The following NEK11 variants were observed in gnomAD, a reference collection of about 807,000 sequenced individuals.
NEK11 encodes NIMA related kinase 11, also known as serine/threonine-protein kinase Nek11.
Under a neutral mutation model 80.7 loss-of-function variants are expected in NEK11, and 72 were observed. The ratio of observed to expected loss-of-function variants is 0.89; its 90% CI spans 0.74 to 1.08. The LOEUF (loss-of-function observed/expected upper bound fraction) is 1.08, where lower values mean the gene tolerates loss of function less well. Among genes scored for constraint, NEK11 ranks in the 50% least tolerant of loss-of-function variants. The pLI is 0.00. For missense variants in NEK11, 764 were observed against 763.6 expected (o/e 1.00, Z -0.01); for synonymous variants, 251 against 260.7 (o/e 0.96, Z 0.36).
chr3:131,044,034 A>G (rs1216685836), intron 3 of NEK11, among the ~76,000 whole-genome samples: 1 of 152,148 alleles, frequency 6.6e-6, no homozygotes, highest in African/African-American at 2.4e-5. Context: ...AATGAAGGAG[A>G]AATGAAACCC....
At chr3:131,178,915 C>G (rs1190071415) in intron 14 of NEK11, among the ~76,000 whole-genome samples, 1 of 152,154 alleles carries the variant, frequency 6.6e-6, no homozygotes, top group Non-Finnish European at 1.5e-5. Context: ...ACTGATACGT[C>G]ATTATGCAGT....
At chr3:131,030,234 CA>C (rs11293793) in intron 3 of NEK11, among the ~76,000 whole-genome samples, 62,627 of 137,314 alleles carry the variant, frequency 0.46, 15,284 homozygotes, top group Middle Eastern at 0.67. Flanking sequence ...GCAAGACTGA[CA>C]AAAAAAAAAA....
intron 13 of NEK11, among the ~76,000 whole-genome samples, chr3:131,170,513 G>A (rs552271142): frequency 6.6e-6 from 1 of 152,240 alleles, no homozygotes; most frequent in South Asian, 2.1e-4. Context: ...GGTACCTTGG[G>A]CATCCCACTT....
intron 3 of NEK11, among the ~76,000 whole-genome samples, chr3:131,042,332 C>T (rs1416925031): frequency 6.6e-6 from 1 of 152,162 alleles, no homozygotes; most frequent in Non-Finnish European, 1.5e-5. Context: ...ATCCCATTCC[C>T]ATGGAACCCA....
At chr3:131,076,496 T>G (rs1237259490) in intron 3 of NEK11, among the ~76,000 whole-genome samples, 2 of 152,290 alleles carry the variant, frequency 1.3e-5, no homozygotes, top group East Asian at 3.9e-4. Flanking sequence ...AATTCCTGCC[T>G]TCCTAGAGGG....
chr3:131,176,022 T>G (rs964312124), intron 14 of NEK11, among the ~76,000 whole-genome samples: 11 of 152,226 alleles, frequency 7.2e-5, no homozygotes, highest in African/African-American at 2.6e-4. Context: ...TAACAAAGCT[T>G]TGGGGTCCTT....
At chr3:131,116,925 T>G (rs1267803450) in intron 5 of NEK11, among the ~76,000 whole-genome samples, 1 of 152,208 alleles carries the variant, frequency 6.6e-6, no homozygotes, top group East Asian at 1.9e-4. Flanking sequence ...ATTCTGTAGG[T>G]TGCCTGTTCA....
intron 14 of NEK11, among the ~76,000 whole-genome samples, chr3:131,219,451 G>T (rs914540044): frequency 6.6e-6 from 1 of 151,876 alleles, no homozygotes; most frequent in African/African-American, 2.4e-5. Context: ...TGGATGATGG[G>T]TTGATGGGTG....
At chr3:131,225,524 T>C (rs1295177489) in intron 14 of NEK11, among the ~76,000 whole-genome samples, 1 of 152,246 alleles carries the variant, frequency 6.6e-6, no homozygotes, top group East Asian at 1.9e-4. Context: ...CATTATACTA[T>C]GTAATGTTCA....
At chr3:131,064,733 A>G (rs2071567407) in intron 3 of NEK11, among the ~76,000 whole-genome samples, 2 of 152,218 alleles carry the variant, frequency 1.3e-5, no homozygotes, top group Admixed American at 6.5e-5. Context: ...ATGTCTCAAT[A>G]AAACTGTTAG....
chr3:131,080,742 G>A (rs576030999), intron 4 of NEK11, among the ~76,000 whole-genome samples, 154 bp downstream of exon 4: 52 of 152,270 alleles, frequency 3.4e-4, no homozygotes, highest in Non-Finnish European at 6.5e-4. Flanking sequence ...ATGATTATCT[G>A]TAGATAATTG....
intron 10 of NEK11, among the ~76,000 whole-genome samples, chr3:131,159,257 C>G (rs1403833148): frequency 6.6e-6 from 1 of 152,132 alleles, no homozygotes; most frequent in Non-Finnish European, 1.5e-5. Flanking sequence ...ACCACAGTAC[C>G]TCCGTAGCAA....
At chr3:131,083,983 T>C (rs754592993) in intron 4 of NEK11, among the ~76,000 whole-genome samples, 1 of 152,218 alleles carries the variant, frequency 6.6e-6, no homozygotes, top group African/African-American at 2.4e-5. Context: ...CCTCTGAGAA[T>C]GCCCTTCCTC....
intron 14 of NEK11, among the ~76,000 whole-genome samples, chr3:131,196,724 G>T (rs2094025237): frequency 6.6e-6 from 1 of 151,812 alleles, no homozygotes; most frequent in South Asian, 2.1e-4. Flanking sequence ...GTAGAAATGG[G>T]GTTTCACCAT....
chr3:131,280,670 T>C (rs550208243), intron 17 of NEK11, among the ~76,000 whole-genome samples: 7 of 152,348 alleles, frequency 4.6e-5, no homozygotes, highest in African/African-American at 1.4e-4. Context: ...ATTTAACAAG[T>C]AGAGTACAGT....
At chr3:131,153,442 G>A (rs771603524) in intron 9 of NEK11, among the ~76,000 whole-genome samples, 9 of 152,066 alleles carry the variant, frequency 5.9e-5, no homozygotes, top group Non-Finnish European at 4.4e-5. Context: ...ATTTGACATA[G>A]AGGCTGTGTC....
chr3:131,101,642 C>A (rs1401946954), intron 4 of NEK11, among the ~76,000 whole-genome samples: 2 of 152,110 alleles, frequency 1.3e-5, no homozygotes, highest in African/African-American at 4.8e-5. Flanking sequence ...TGCTTTATGA[C>A]CAAGCATGAG....
intron 7 of NEK11, among the ~76,000 whole-genome samples, chr3:131,149,748 G>GT (rs1056842768): frequency 6.6e-6 from 1 of 151,594 alleles, no homozygotes; most frequent in Non-Finnish European, 1.5e-5. Flanking sequence ...GTTAATCTGT[G>GT]TTTTTTTCTG....
intron 17 of NEK11, among the ~76,000 whole-genome samples, chr3:131,296,810 A>C (rs1285798785): frequency 5.8e-4 from 74 of 127,508 alleles, no homozygotes; most frequent in African/African-American, 9.8e-4. Flanking sequence ...ATCCCTCCCC[A>C]CTCCCCCCAC....
Sources: allele counts gnomAD v4.1 joint callset (sites outside exome capture counted in the v4.1 genomes callset), GRCh38; gene constraint gnomAD v4.1.1; transcripts MANE v1.5; gene names NCBI Gene and HGNC (gene_info 2026-07-23, HGNC 2026-07-21).